Variants in TMEM117 observed in about 807,000 individuals in gnomAD.
The protein encoded by TMEM117 is transmembrane protein 117.
Under a neutral mutation model 52.4 loss-of-function variants are expected in TMEM117, and 27 were observed. The ratio of observed to expected loss-of-function variants is 0.51; its 90% CI spans 0.38 to 0.71. The LOEUF (loss-of-function observed/expected upper bound fraction) is 0.71. Among genes scored for constraint, TMEM117 ranks in the 30% least tolerant of loss-of-function variants. TMEM117 has a pLI of 0.00. For synonymous variants in TMEM117, 215 were observed against 206.3 expected (o/e 1.04, Z -0.36); for missense variants, 556 against 630.5 (o/e 0.88, Z 1.26).
At chr12:44,100,192 C>G (rs1471114917) in intron 3 of TMEM117, among the ~76,000 whole-genome samples, 3 of 151,810 alleles carry the variant, frequency 2.0e-5, no homozygotes, top group African/African-American at 7.3e-5. Flanking sequence ...AAACTGAAAA[C>G]ACGGGTTATT....
intron 3 of TMEM117, among the ~76,000 whole-genome samples, chr12:44,114,676 A>G (rs1948105084): frequency 6.6e-6 from 1 of 152,214 alleles, no homozygotes; most frequent in Admixed American, 6.5e-5. Flanking sequence ...ACCTCCATCA[A>G]GACAAACTTC....
intron 3 of TMEM117, among the ~76,000 whole-genome samples, chr12:44,134,202 G>A (rs1025280684): frequency 3.9e-5 from 6 of 152,212 alleles, no homozygotes; most frequent in African/African-American, 1.2e-4. Context: ...AGACACATTG[G>A]TCTTTTGGGG....
At chr12:44,221,363 A>G (rs2016081723) in intron 5 of TMEM117, among the ~76,000 whole-genome samples, 1 of 152,220 alleles carries the variant, frequency 6.6e-6, no homozygotes, top group Non-Finnish European at 1.5e-5. Flanking sequence ...CTACTTATGC[A>G]TAAACCTCAA....
At chr12:44,304,536 G>C (rs990189780) in intron 6 of TMEM117, among the ~76,000 whole-genome samples, 1 of 152,162 alleles carries the variant, frequency 6.6e-6, no homozygotes, top group African/African-American at 2.4e-5. Context: ...ATCCCTAGTA[G>C]TGCAGCTCAC....
intron 2 of TMEM117, among the ~76,000 whole-genome samples, chr12:43,852,833 CT>C (rs1466889340): frequency 1.3e-5 from 2 of 152,186 alleles, no homozygotes; most frequent in African/African-American, 4.8e-5. Context: ...CAGAGATCCT[CT>C]ATTAGTTGTC....
chr12:44,384,877 T>C (rs1952067550), intron 7 of TMEM117, among the ~76,000 whole-genome samples: 1 of 152,180 alleles, frequency 6.6e-6, no homozygotes, highest in Non-Finnish European at 1.5e-5. Flanking sequence ...TTTCAGAGAA[T>C]GTTCTAACAC....
intron 4 of TMEM117, among the ~76,000 whole-genome samples, chr12:44,155,302 G>C (rs1234991207): frequency 6.6e-6 from 1 of 152,056 alleles, no homozygotes; most frequent in Non-Finnish European, 1.5e-5. Context: ...TTAGTAAGGA[G>C]TAAACATTGG....
chr12:44,240,679 G>A (rs1339058508), intron 5 of TMEM117, among the ~76,000 whole-genome samples: 2 of 151,962 alleles, frequency 1.3e-5, no homozygotes, highest in African/African-American at 4.8e-5. Flanking sequence ...ATATCATAGA[G>A]ACTGTTTTGC....
chr12:44,226,801 G>C (rs954903486), intron 5 of TMEM117, among the ~76,000 whole-genome samples: 4 of 152,074 alleles, frequency 2.6e-5, no homozygotes, highest in Non-Finnish European at 4.4e-5. Flanking sequence ...CTCAGAAGAA[G>C]CCAACCCTGC....
intron 3 of TMEM117, among the ~76,000 whole-genome samples, chr12:44,136,921 T>A (rs1021590565): frequency 2.0e-5 from 3 of 152,162 alleles, no homozygotes; most frequent in African/African-American, 7.2e-5. Flanking sequence ...TTGTCTTTGA[T>A]GTTTGCTTTT....
the TMEM117 span, chr12:43,805,607 A>AC: frequency 2.1e-6 from 1 of 476,546 alleles, no homozygotes; most frequent in South Asian, 1.5e-5. Context: ...ATTACATGCA[A>AC]CCATACAGAT....
At chr12:44,137,161 G>A (rs1463281063) in intron 3 of TMEM117, among the ~76,000 whole-genome samples, 1 of 151,668 alleles carries the variant, frequency 6.6e-6, no homozygotes, top group East Asian at 1.9e-4. Flanking sequence ...GGAGAGAAGG[G>A]CAATGTAAGA....
intron 5 of TMEM117, among the ~76,000 whole-genome samples, chr12:44,236,727 G>A (rs1950001550): frequency 6.6e-6 from 1 of 152,088 alleles, no homozygotes; most frequent in Non-Finnish European, 1.5e-5. Context: ...TCAGGCATAA[G>A]AGGATAGCTT....
At chr12:44,089,640 A>C (rs948071413) in intron 3 of TMEM117, among the ~76,000 whole-genome samples, 4 of 152,110 alleles carry the variant, frequency 2.6e-5, no homozygotes, top group African/African-American at 9.7e-5. Flanking sequence ...TACACTTATC[A>C]TGAATCTATA....
At chr12:43,895,872 T>C (rs1944191870) in intron 2 of TMEM117, among the ~76,000 whole-genome samples, 4 of 66,738 alleles carry the variant, frequency 6.0e-5, no homozygotes, top group African/African-American at 1.2e-4. Flanking sequence ...CTGAATATTG[T>C]TATTTTCTAA....
At chr12:43,966,712 T>C (rs1401631640) in intron 3 of TMEM117, among the ~76,000 whole-genome samples, 1 of 152,202 alleles carries the variant, frequency 6.6e-6, no homozygotes, top group Admixed American at 6.5e-5. Flanking sequence ...AGGCTGACTA[T>C]TTAAGAATGA....
chr12:44,275,701 A>G (rs1950503392), intron 5 of TMEM117, among the ~76,000 whole-genome samples: 1 of 152,160 alleles, frequency 6.6e-6, no homozygotes, highest in Non-Finnish European at 1.5e-5. Context: ...AAGCACACAA[A>G]TAAGAACATC....
chr12:44,333,089 G>A (rs1256126429), intron 6 of TMEM117, among the ~76,000 whole-genome samples: 1 of 151,948 alleles, frequency 6.6e-6, no homozygotes, highest in Non-Finnish European at 1.5e-5. Flanking sequence ...CAAAACTGAT[G>A]GCAATTGTGT....
At chr12:44,151,892 T>C (rs1948731808) in intron 4 of TMEM117, among the ~76,000 whole-genome samples, 2 of 133,556 alleles carry the variant, frequency 1.5e-5, no homozygotes, top group Admixed American at 1.7e-4. Context: ...TAATATATAT[T>C]TAATATCATT....
Sources: gnomAD v4.1 joint callset for allele counts (sites outside exome capture counted in the v4.1 genomes callset) on GRCh38, gnomAD v4.1.1 for gene constraint, MANE v1.5 for transcripts, NCBI Gene and HGNC (gene_info 2026-07-23, HGNC 2026-07-21) for gene names.